The following LRRC19 variants were observed in gnomAD, a reference collection of about 807,000 sequenced individuals.
LRRC19 encodes the protein leucine-rich repeat-containing protein 19.
Under a neutral mutation model 33.3 loss-of-function variants are expected in LRRC19, and 33 were observed. That is an observed-to-expected ratio of 0.99 (90% CI 0.75 to 1.33). LRRC19 has a LOEUF of 1.33. LRRC19 is among the 40% of genes most tolerant of loss of function. LRRC19 has a pLI of 0.00. For missense variants in LRRC19, 463 were observed against 417.3 expected (o/e 1.11, Z -0.95); for synonymous variants, 184 against 152.3 (o/e 1.21, Z -1.53).
In LRRC19 at chr9:26,999,671, G is replaced by A; in HGVS notation, c.24C>T (p.Ile8=). 2.5e-6 allele frequency: 4 copies of A among 1,609,722 alleles called. No individual in the cohort carries two copies. Among genetic ancestry groups the A allele is most frequent in the Middle Eastern group, 1.7e-4 (1 of 5,944 alleles). Reference sequence around the variant, plus strand: ...ATATCATGGAGAGGGGCCAAAAGAGGATTGTGATGCCTGTGACTTTCATGT... The same window carrying A: ...ATATCATGGAGAGGGGCCAAAAGAGAATTGTGATGCCTGTGACTTTCATGT... MKVTGIT[I]LFWPLSMILL... Residue 8 remains isoleucine (I), a synonymous_variant, in exon 2 of 5, where the codon ATC becomes ATT. Coordinates refer to ENST00000380055, the MANE Select transcript of LRRC19 (RefSeq NM_022901.3).
intron 2 of LRRC19, among the ~76,000 whole-genome samples, chr9:26,998,592 C>T (rs1273925189): frequency 2.0e-5 from 3 of 152,078 alleles, no homozygotes; most frequent in Non-Finnish European, 4.4e-5. Context: ...TTTAATATTC[C>T]AGTGTGCACA....
intron 1 of LRRC19, 67 bp from the exon 2 acceptor site, chr9:26,999,770 C>CTTTTT (rs1179000269): frequency 3.1e-4 from 106 of 340,138 alleles, no homozygotes; most frequent in African/African-American, 2.4e-3. Flanking sequence ...TCTGTTTATT[C>CTTTTT]TTTTTTTTTT....
intron 1 of LRRC19, among the ~76,000 whole-genome samples, chr9:27,003,218 T>G (rs1444634969): frequency 6.6e-6 from 1 of 152,090 alleles, no homozygotes; most frequent in South Asian, 2.1e-4. Context: ...TTTTTTTTAA[T>G]TTTTTAAGTG....
chr9:26,994,536 CAAAAAAAAAAA>C lies in LRRC19; in HGVS notation c.*974_*984del, dbSNP rs1170964624. 8.6e-5 allele frequency: 5 copies of C among 58,312 alleles called. No homozygotes were observed. The highest frequency in any genetic ancestry group is 1.8e-4 in the Non-Finnish European group (5 of 27,552). 3.6% of individuals were successfully genotyped at this position (58,312 alleles called of 1,614,324 possible). Reference sequence around the variant, plus strand: ...TGGGAGACAGTGCGAGACTTTGTCTCAAAAAAAAAAAAAAAAAAAAGAAAAAGAATCTTGTT... The same window carrying C: ...TGGGAGACAGTGCGAGACTTTGTCTCAAAAAAAAAGAAAAAGAATCTTGTT... On this transcript the variant is annotated 3_prime_UTR_variant, in exon 5 of 5. Coordinates refer to ENST00000380055, the MANE Select transcript of LRRC19 (RefSeq NM_022901.3).
chr9:27,000,015 C>T (rs1320948822), intron 1 of LRRC19, among the ~76,000 whole-genome samples: 1 of 152,038 alleles, frequency 6.6e-6, no homozygotes, highest in African/African-American at 2.4e-5. Context: ...GAGCCATTTC[C>T]CCCCAGCCAC....
intron 1 of LRRC19, among the ~76,000 whole-genome samples, chr9:27,001,380 C>G (rs1828477499): frequency 1.3e-5 from 2 of 151,988 alleles, no homozygotes; most frequent in African/African-American, 4.8e-5. Flanking sequence ...TTTAAGGAAC[C>G]TTCATACTGC....
chr9:27,001,356 T>A (rs894654029), intron 1 of LRRC19, among the ~76,000 whole-genome samples: 1 of 151,968 alleles, frequency 6.6e-6, no homozygotes, highest in African/African-American at 2.4e-5. Context: ...ATGTAAGTGT[T>A]ATATTTTTAG....
intron 1 of LRRC19, among the ~76,000 whole-genome samples, chr9:27,002,745 T>C (rs1367540793): frequency 6.6e-6 from 1 of 152,242 alleles, no homozygotes; most frequent in Non-Finnish European, 1.5e-5. Flanking sequence ...TTTGTTCCTT[T>C]TTGCTGAGGG....
chr9:26,999,466 T>C (rs1313687360), intron 2 of LRRC19, 148 bp downstream of exon 2: 2 of 447,158 alleles, frequency 4.5e-6, no homozygotes, highest in Non-Finnish European at 7.5e-6. Context: ...TTTTGTCAAA[T>C]TGGAATTTGG....
rs143964622 is a variant in LRRC19 at position 27,000,500 on chromosome 9, A to G, written c.-9-797T>C. 8.5e-3 allele frequency among the ~76,000 whole-genome samples: 1,296 copies of G among 152,304 alleles called. 16 individuals are homozygous for G. Among genetic ancestry groups the G allele is most frequent in the African/African-American group, 0.029 (1,206 of 41,558 alleles). On this transcript the variant is annotated intron_variant, in intron 1 of 4. Transcript: ENST00000380055. ...CTTTTTCCCCCCATGGTAACTTTTA[A>G]AAATTTTATTGAGGCGTGGTAGATA...
At chr9:26,996,172 G>A (rs7018585) in intron 4 of LRRC19, 139 bp downstream of exon 4, 3 of 593,426 alleles carry the variant, frequency 5.1e-6, no homozygotes, top group African/African-American at 3.8e-5. Context: ...GTTTGGAAGA[G>A]CAATATTTTG....
At chr9:26,997,609 C>T in intron 3 of LRRC19, 119 bp downstream of exon 3, 1 of 1,068,326 alleles carries the variant, frequency 9.4e-7, no homozygotes. Context: ...GATGGGATTA[C>T]AGGCATGAGC....
At position 26,995,748 on chromosome 9, in the gene LRRC19, A is replaced by G. The variant is rs748782714; in HGVS notation, c.886T>C (p.Trp296Arg). 4 of 1,613,888 alleles carry G rather than the reference A, an allele frequency of 2.5e-6. No individual in the cohort carries two copies. The highest frequency in any genetic ancestry group is 1.1e-5 in the South Asian group (1 of 91,078). The change falls in exon 5 of 5, where the codon TGG becomes CGG. Residue 296 changes from tryptophan to arginine, a missense_variant. Transcript: ENST00000380055. ...LIFIAIKCPI[W>R]YNILLSYNHH... ...TTATAACTAAGCAGAATATTGTACC[A>G]TATTGGGCATTTGATAGCAATAAAA...
In LRRC19 at chr9:26,998,091, G is replaced by T. The variant is rs1177706962; in HGVS notation, c.232C>A (p.Leu78Ile). The T allele has an allele frequency of 3.1e-6, 5 of 1,613,274 alleles. No homozygotes were observed. The highest frequency in any genetic ancestry group is 1.1e-5 in the South Asian group (1 of 91,040). ...GTAACCTTGTTCTCAATCAAATAGA[G>T]CTCTGTGAGTAAAAAGTATGTCTGT... Reference protein sequence around the residue: ...VLQTYFLLTELYLIENKVTIL... With the variant: ...VLQTYFLLTEIYLIENKVTIL... Residue 78 changes from leucine to isoleucine, a missense_variant, in exon 3 of 5, where the codon CTC (leucine) becomes ATC (isoleucine). By Grantham distance (5) the Leu-to-Ile change is conservative. Coordinates refer to ENST00000380055, the MANE Select transcript of LRRC19 (RefSeq NM_022901.3).
At chr9:27,003,265 G>A (rs920592059) in intron 1 of LRRC19, among the ~76,000 whole-genome samples, 2 of 151,976 alleles carry the variant, frequency 1.3e-5, no homozygotes, top group Non-Finnish European at 2.9e-5. Flanking sequence ...GCTCACGCCT[G>A]TAATCCCAGC....
chr9:26,995,819 A>G lies in LRRC19; in HGVS notation c.815T>C (p.Phe272Ser). 6.2e-7 allele frequency: 1 copy of G among 1,605,680 alleles called. No individual in the cohort carries two copies. Among genetic ancestry groups the G allele is most frequent in the Non-Finnish European group, 8.5e-7 (1 of 1,175,612 alleles). ...TACAGTGACAACAACACCAACAAGAAAAGCCCAACTTTTTCCAAGAGGTTC... is the reference window on the plus strand; with the variant it reads ...TACAGTGACAACAACACCAACAAGAGAAGCCCAACTTTTTCCAAGAGGTTC... The part of the protein sequence containing the change: ...EHEPLGKSWA[F>S]LVGVVVTVLT... Residue 272 changes from phenylalanine to serine, a missense_variant, in exon 5 of 5, where the codon TTT becomes TCT. By Grantham distance (155) the Phe-to-Ser change is radical. Transcript: ENST00000380055.
Position 26,998,043 on chromosome 9 carries a change from CA to C in LRRC19, c.279del (p.Phe93LeufsTer7). The C allele has an allele frequency of 1.2e-6, 2 of 1,613,490 alleles. No individual in the cohort carries two copies. Among genetic ancestry groups the C allele is most frequent in the East Asian group, 4.5e-5 (2 of 44,796 alleles). On this transcript the variant is annotated frameshift_variant, in exon 3 of 5. Coordinates refer to ENST00000380055, the MANE Select transcript of LRRC19 (RefSeq NM_022901.3). LOFTEE classifies it high-confidence loss of function. ...NKVTILHNNGFGNLSSLEILN... is the reference protein window; with the variant it reads ...NKVTILHNNGXGNLSSLEILN... ...AAAATTTCTAGACTGGAGAGGTTAC[CA>C]AAACCGTTATTATGTAAGATAGTAA...
intron 1 of LRRC19, among the ~76,000 whole-genome samples, chr9:27,003,681 A>G (rs1171944864): frequency 6.6e-6 from 1 of 152,144 alleles, no homozygotes; most frequent in East Asian, 1.9e-4. Context: ...ATTTATGCAC[A>G]TTCCCCTTCT....
intron 4 of LRRC19, 48 bp downstream of exon 4, chr9:26,996,263 T>G: frequency 9.4e-7 from 1 of 1,063,440 alleles, no homozygotes; most frequent in Non-Finnish European, 1.3e-6. Context: ...CTCAGTTTAT[T>G]TAGTATGATA....
Sources: allele counts gnomAD v4.1 joint callset (sites outside exome capture counted in the v4.1 genomes callset), GRCh38; gene constraint gnomAD v4.1.1; transcripts MANE v1.5; gene names NCBI Gene and HGNC (gene_info 2026-07-23, HGNC 2026-07-21).